Variants in NRXN1 observed in about 807,000 individuals in gnomAD.
NRXN1 encodes the protein neurexin-1.
A neutral mutation model predicts 150.9 loss-of-function variants in NRXN1; 39 were observed. That is an observed-to-expected ratio of 0.26 (90% confidence interval 0.20 to 0.34). The LOEUF is 0.34. NRXN1 is among the 10% of genes least tolerant of loss of function. The probability of loss-of-function intolerance (pLI) is 1.00; values close to 1 mark genes in which losing one functional copy is unlikely to be tolerated. For missense variants in NRXN1, 1,815 were observed against 1,949.9 expected, an observed-to-expected ratio of 0.93 and a Z score of 1.30; for synonymous variants, 924 against 757.0, an observed-to-expected ratio of 1.22 and a Z score of -3.62.
Position 50,705,563 on chromosome 2 carries a change from T to A in NRXN1, c.833-81948A>T, listed in dbSNP as rs994937558. Among the ~76,000 whole-genome samples the A allele has an allele frequency of 5.5e-4, 84 of 152,336 alleles. 1 individual carries two copies. The highest frequency in any genetic ancestry group is 1.9e-3 in the African/African-American group (79 of 41,584). ...AAGATATATCTTGACTTTCATAATT[T>A]TAGATTACTGGATAATCTCCTGACC... On this transcript the variant is annotated intron_variant, in intron 5 of 22. Coordinates refer to ENST00000401669, the MANE Select transcript of NRXN1 (RefSeq NM_001330078.2).
At chr2:50,259,990 C>G (rs982186861) in intron 17 of NRXN1, among the ~76,000 whole-genome samples, 2 of 151,762 alleles carry the variant, frequency 1.3e-5, no homozygotes, top group Non-Finnish European at 2.9e-5. Flanking sequence ...GTTATCTGCA[C>G]TTCTTGTACC....
intron 9 of NRXN1, among the ~76,000 whole-genome samples, chr2:50,548,385 A>T (rs1173646761): frequency 6.6e-6 from 1 of 152,188 alleles, no homozygotes. Context: ...TGCATTCACA[A>T]GAGAACACCA....
intron 18 of NRXN1, among the ~76,000 whole-genome samples, chr2:50,095,684 T>C (rs1700116119): frequency 6.6e-6 from 1 of 151,940 alleles, no homozygotes; most frequent in Admixed American, 6.6e-5. Context: ...CCAGATTTCA[T>C]AGGATTTGGT....
chr2:50,771,537 AGAGGAGGACCATTC>A (rs1703009894), intron 5 of NRXN1, among the ~76,000 whole-genome samples: 1 of 152,082 alleles, frequency 6.6e-6, no homozygotes, highest in African/African-American at 2.4e-5. Context: ...AATAAATAGT[AGAGGAGGACCATTC>A]CAGGACAGGT....
chr2:50,697,435 C>A (rs917520182), intron 5 of NRXN1, among the ~76,000 whole-genome samples: 9 of 152,208 alleles, frequency 5.9e-5, no homozygotes, highest in African/African-American at 2.2e-4. Flanking sequence ...TGAAACTTGA[C>A]AAGTTAGAGA....
chr2:50,595,994 A>G (rs1272880054), intron 8 of NRXN1, among the ~76,000 whole-genome samples: 1 of 152,174 alleles, frequency 6.6e-6, no homozygotes, highest in Non-Finnish European at 1.5e-5. Context: ...ATTTCCTCTA[A>G]GAACACTAAC....
intron 8 of NRXN1, among the ~76,000 whole-genome samples, chr2:50,607,028 C>G (rs949469229): frequency 1.3e-5 from 2 of 152,030 alleles, no homozygotes; most frequent in Non-Finnish European, 2.9e-5. Flanking sequence ...TTATTGTCAT[C>G]TAACGAAGCC....
At chr2:50,557,752 T>A (rs577985197) in intron 8 of NRXN1, among the ~76,000 whole-genome samples, 1 of 152,238 alleles carries the variant, frequency 6.6e-6, no homozygotes, top group Non-Finnish European at 1.5e-5. Context: ...TATTCTTACA[T>A]TGAATTGATG....
At chr2:50,583,202 C>T (rs1205092587) in intron 8 of NRXN1, among the ~76,000 whole-genome samples, 1 of 151,998 alleles carries the variant, frequency 6.6e-6, no homozygotes, top group South Asian at 2.1e-4. Flanking sequence ...AGACACCTGG[C>T]TAATTTTGTT....
At chr2:50,369,669 C>A (rs776064779) in intron 17 of NRXN1, among the ~76,000 whole-genome samples, 1 of 152,004 alleles carries the variant, frequency 6.6e-6, no homozygotes, top group Non-Finnish European at 1.5e-5. Flanking sequence ...GAAACACCTA[C>A]ATATCTGAAG....
chr2:50,258,097 T>C (rs2067888513), intron 17 of NRXN1, among the ~76,000 whole-genome samples: 2 of 152,050 alleles, frequency 1.3e-5, no homozygotes, highest in Non-Finnish European at 2.9e-5. Context: ...GGGTGCTTAC[T>C]GATTAGGGTG....
At chr2:50,735,493 G>C (rs1698628553) in intron 5 of NRXN1, among the ~76,000 whole-genome samples, 1 of 152,086 alleles carries the variant, frequency 6.6e-6, no homozygotes, top group African/African-American at 2.4e-5. Context: ...TTTTGAAAAT[G>C]TCAGATTGTA....
intron 18 of NRXN1, among the ~76,000 whole-genome samples, chr2:50,159,123 T>C (rs1282965848): frequency 6.6e-6 from 1 of 152,066 alleles, no homozygotes; most frequent in African/African-American, 2.4e-5. Flanking sequence ...CAATATTCTA[T>C]ATACTTTTGC....
At chr2:50,754,824 C>A (rs1032660873) in intron 5 of NRXN1, among the ~76,000 whole-genome samples, 3 of 151,898 alleles carry the variant, frequency 2.0e-5, no homozygotes, top group Non-Finnish European at 4.4e-5. Flanking sequence ...AAAAGTATTA[C>A]TGAAAAATGT....
chr2:50,475,425 T>C (rs2089909513), intron 15 of NRXN1, among the ~76,000 whole-genome samples: 1 of 151,246 alleles, frequency 6.6e-6, no homozygotes, highest in Non-Finnish European at 1.5e-5. Context: ...AGGCAACACA[T>C]GAGGAGAGTG....
At position 50,998,298 on chromosome 2, in the gene NRXN1, C is replaced by T. The variant is rs1291817020; in HGVS notation, c.772+29204G>A. 1.7e-5 allele frequency among the ~76,000 whole-genome samples: 2 copies of T among 120,096 alleles called. 1 individual carries two copies. The highest frequency in any genetic ancestry group is 8.6e-5 in the African/African-American group (2 of 23,208). The allele number at this position is 120,096 out of a possible 152,430, so 78.8% of individuals were successfully genotyped here. A position where few individuals can be genotyped will look rare whatever the true frequency, so the allele number is the denominator to read the frequency against. ...GAATATAGTAATATCACATATTTTGCAACTGTGTCCACAATTAAGACCTCC... is the reference window on the plus strand; with the variant it reads ...GAATATAGTAATATCACATATTTTGTAACTGTGTCCACAATTAAGACCTCC... On this transcript the variant is annotated intron_variant, in intron 2 of 22. Coordinates refer to ENST00000401669, the MANE Select transcript of NRXN1 (RefSeq NM_001330078.2).
intron 19 of NRXN1, among the ~76,000 whole-genome samples, chr2:50,077,175 A>T (rs1199964828): frequency 6.6e-6 from 1 of 152,132 alleles, no homozygotes; most frequent in African/African-American, 2.4e-5. Context: ...ATTGCCCCAT[A>T]TAGAGTGCCC....
intron 17 of NRXN1, among the ~76,000 whole-genome samples, chr2:50,386,011 G>A (rs1416593140): frequency 6.6e-6 from 1 of 151,684 alleles, no homozygotes; most frequent in Non-Finnish European, 1.5e-5. Flanking sequence ...AAATATACAT[G>A]CATATATATT....
chr2:50,308,795 T>C (rs1255429252), intron 17 of NRXN1, among the ~76,000 whole-genome samples: 2 of 152,204 alleles, frequency 1.3e-5, no homozygotes, highest in Non-Finnish European at 2.9e-5. Context: ...CTAAAGAGCA[T>C]GGTAGACAGG....
Sources: allele counts gnomAD v4.1 joint callset (sites outside exome capture counted in the v4.1 genomes callset), GRCh38; gene constraint gnomAD v4.1.1; transcripts MANE v1.5; gene names NCBI Gene and HGNC (gene_info 2026-07-23, HGNC 2026-07-21).